ZNF717: variants seen among roughly 807,000 people sequenced by gnomAD.
ZNF717 encodes the protein krueppel-like factor X17.
In ZNF717, 9 loss-of-function variants were observed where a neutral mutation model predicts 13.8. The observed-to-expected ratio is 0.65, with a 90% CI of 0.39 to 1.14. The LOEUF (loss-of-function observed/expected upper bound fraction) is 1.14, where lower values mean the gene tolerates loss of function less well. ZNF717 is among the 50% of genes most tolerant of loss of function. The pLI is 0.01. For missense variants in ZNF717, 1,040 were observed against 1,080.7 expected (o/e 0.96, Z 0.53); for synonymous variants, 327 against 364.1 (o/e 0.90, Z 1.16).
At chr3:75,773,924 C>T (rs531377728) in intron 2 of ZNF717, among the ~76,000 whole-genome samples, 1 of 152,306 alleles carries the variant, frequency 6.6e-6, no homozygotes, top group East Asian at 1.9e-4. Flanking sequence ...TGGTGCATGC[C>T]TCTAATCCCA....
rs1221200794 is a variant in ZNF717 at position 75,737,073 on chromosome 3, A to C, written c.2550T>G (p.Thr850=). Residue 850 remains threonine, a synonymous_variant, in exon 5 of 5, where the codon ACT becomes ACG. Coordinates refer to ENST00000652011, the MANE Select transcript of ZNF717 (RefSeq NM_001290208.3). Reference sequence around the variant, plus strand: ...TACTGAGGCCTGACTTCTGGGAGAAAGTTTTCCTACATTCATTACATCTAA... The same window carrying C: ...TACTGAGGCCTGACTTCTGGGAGAACGTTTTCCTACATTCATTACATCTAA... ...KPFRCNECRK[T]FSQKSGLSIH... is the part of the protein sequence containing the mutation. 1.3e-6 allele frequency: 2 copies of C among 1,597,702 alleles called. No individual in the cohort carries two copies. Among genetic ancestry groups the C allele is most frequent in the Admixed American group, 1.8e-5 (1 of 57,000 alleles).
At chr3:75,757,590 T>G (rs1195986608) in intron 2 of ZNF717, among the ~76,000 whole-genome samples, 1 of 152,200 alleles carries the variant, frequency 6.6e-6, no homozygotes, top group Non-Finnish European at 1.5e-5. Flanking sequence ...GAATATTGTT[T>G]TCATGCCTAC....
chr3:75,746,021 T>G (rs1413273632), intron 2 of ZNF717, among the ~76,000 whole-genome samples: 2 of 152,046 alleles, frequency 1.3e-5, no homozygotes, highest in Non-Finnish European at 1.5e-5. Flanking sequence ...TATCCCACCC[T>G]GCTCCCCCTA....
intron 2 of ZNF717, among the ~76,000 whole-genome samples, chr3:75,764,784 C>G (rs112481982): frequency 1.3e-5 from 2 of 151,902 alleles, no homozygotes; most frequent in Admixed American, 1.3e-4. Flanking sequence ...AACCCTTGTA[C>G]ACTGTTGGTG....
intron 2 of ZNF717, among the ~76,000 whole-genome samples, chr3:75,780,591 G>T (rs1001447355): frequency 6.6e-6 from 1 of 152,158 alleles, no homozygotes; most frequent in African/African-American, 2.4e-5. Context: ...TAGTAGAGAC[G>T]GGGTTTCACC....
chr3:75,702,159 T>C (rs1486484381), intron 6 of ZNF717, among the ~76,000 whole-genome samples: 1 of 152,308 alleles, frequency 6.6e-6, no homozygotes, highest in East Asian at 1.9e-4. Context: ...CAAAGACATA[T>C]TGGCACTCTC....
intron 2 of ZNF717, among the ~76,000 whole-genome samples, chr3:75,765,027 A>ATATATG (rs1943348111): frequency 2.4e-5 from 1 of 42,078 alleles, no homozygotes; most frequent in African/African-American, 1.0e-4. Context: ...ATATATATAT[A>ATATATG]TATGTATATG....
At position 75,737,539 on chromosome 3, in the gene ZNF717, T is replaced by C; in HGVS notation, c.2084A>G (p.Glu695Gly). Reference protein sequence around the residue: ...VRNHTLLYIRELTPGKSPMNV... With the variant: ...VRNHTLLYIRGLTPGKSPMNV... ...CATAGGGCTTTTCCCCGGTGTGAGT[T>C]CTCTGATGTATAATAAGGTATGATT... Residue 695 changes from glutamate to glycine, a missense_variant, in exon 5 of 5, where the codon GAA becomes GGA. Glu to Gly is a moderately conservative substitution (Grantham distance 98). Coordinates refer to ENST00000652011, the MANE Select transcript of ZNF717 (RefSeq NM_001290208.3). The C allele has an allele frequency of 6.4e-7, 1 of 1,553,218 alleles. No homozygotes were observed. Among genetic ancestry groups the C allele is most frequent in the South Asian group, 1.2e-5 (1 of 84,124 alleles).
At chr3:75,729,956 C>G (rs1938426596), downstream of ZNF717, 1 of 152,248 alleles carries the variant, frequency 6.6e-6, no homozygotes, top group Non-Finnish European at 1.5e-5. Context: ...AAGAAAAAGT[C>G]TGAATATGTT....
Position 75,730,558 on chromosome 3 carries a change from C to T in ZNF717, c.*55G>A, listed in dbSNP as rs77079546. The T allele has an allele frequency of 4.6e-5, 31 of 674,980 alleles. 1 individual carries two copies. Among genetic ancestry groups the T allele is most frequent in the South Asian group, 3.7e-4 (24 of 64,984 alleles). 41.8% of individuals were successfully genotyped at this position (674,980 alleles called of 1,614,324 possible). On this transcript the variant is annotated 3_prime_UTR_variant, in exon 6 of 6. Coordinates refer to the ZNF717 transcript ENST00000477374. ...TGTTTGAAATATCTGAGGTCCCATA[C>T]GTAGGGATGTCCAATTGACAATTGG... is the stretch of plus-strand genomic sequence containing the variant.
Position 75,749,898 on chromosome 3 carries a change from A to C in ZNF717, c.58-8162T>G, listed in dbSNP as rs797001425. ...ATGTTTGTCCCTCACATAGGATTCC[A>C]GAACACTGCTGTTGGGTTCTGAGGG... On this transcript the variant is annotated intron_variant, in intron 2 of 4. Coordinates refer to ENST00000652011, the MANE Select transcript of ZNF717 (RefSeq NM_001290208.3). 1.4e-4 allele frequency among the ~76,000 whole-genome samples: 21 copies of C among 152,100 alleles called. No individual in the cohort carries two copies. In the East Asian group the frequency reaches 3.9e-3, roughly 28 times the overall value.
intron 2 of ZNF717, among the ~76,000 whole-genome samples, chr3:75,762,807 G>T (rs1238517590): frequency 6.6e-6 from 1 of 151,364 alleles, no homozygotes. Flanking sequence ...ACTGCAATAA[G>T]CCAAAAAAAA....
At chr3:75,773,700 TG>T (rs1944070522) in intron 2 of ZNF717, among the ~76,000 whole-genome samples, 1 of 152,170 alleles carries the variant, frequency 6.6e-6, no homozygotes, top group South Asian at 2.1e-4. Flanking sequence ...TGATGCAGCT[TG>T]GCCCCCAGAG....
intron 4 of ZNF717, 137 bp from the exon 5 acceptor site, chr3:75,739,482 T>C (rs1964417): frequency 0.84 from 416,788 of 498,352 alleles, 174,629 homozygotes; most frequent in Middle Eastern, 0.91. Context: ...TGGTTTTATA[T>C]GCATATGGTT....
At chr3:75,746,987 A>C (rs1398818815) in intron 2 of ZNF717, among the ~76,000 whole-genome samples, 1 of 152,092 alleles carries the variant, frequency 6.6e-6, no homozygotes, top group Non-Finnish European at 1.5e-5. Flanking sequence ...TAGGGTTTTT[A>C]TGGTTTTAGG....
At chr3:75,772,116 T>C (rs1271185304) in intron 2 of ZNF717, among the ~76,000 whole-genome samples, 1 of 152,232 alleles carries the variant, frequency 6.6e-6, no homozygotes, top group Non-Finnish European at 1.5e-5. Context: ...GCCTGGGCAC[T>C]GTGGGCACAG....
chr3:75,776,410 G>C (rs1236426761), intron 2 of ZNF717, among the ~76,000 whole-genome samples: 2 of 152,262 alleles, frequency 1.3e-5, no homozygotes, highest in East Asian at 3.8e-4. Flanking sequence ...TTCATTTTCA[G>C]TGCATGTTTT....
intron 2 of ZNF717, among the ~76,000 whole-genome samples, chr3:75,781,858 T>A (rs1480297843): frequency 6.6e-6 from 1 of 152,180 alleles, no homozygotes; most frequent in Non-Finnish European, 1.5e-5. Flanking sequence ...TGTGGTGAAT[T>A]TAAAGCCCCT....
intron 2 of ZNF717, among the ~76,000 whole-genome samples, chr3:75,743,962 A>G (rs1465036304): frequency 6.6e-6 from 1 of 152,264 alleles, no homozygotes; most frequent in Non-Finnish European, 1.5e-5. Flanking sequence ...AAGAGAGATC[A>G]AAACTAAAGA....
Sources: allele counts gnomAD v4.1 joint callset (sites outside exome capture counted in the v4.1 genomes callset), GRCh38; gene constraint gnomAD v4.1.1; transcripts MANE v1.5; gene names NCBI Gene and HGNC (gene_info 2026-07-23, HGNC 2026-07-21).